PKN2: variants seen among roughly 807,000 people sequenced by gnomAD.
PKN2 encodes the protein serine/threonine-protein kinase N2.
PKN2 carries 38 observed loss-of-function variants against 119.1 expected under a neutral mutation model. The ratio of observed to expected loss-of-function variants is 0.32; its 90% CI spans 0.25 to 0.42. The LOEUF (loss-of-function observed/expected upper bound fraction) is 0.42, where lower values mean the gene tolerates loss of function less well. Ranked by LOEUF, PKN2 falls within the 10% of genes least tolerant of loss-of-function variation. The pLI, the probability that PKN2 is intolerant of heterozygous loss-of-function variation, is 1.00. For synonymous variants in PKN2, 390 were observed against 384.9 expected (o/e 1.01, Z -0.15); for missense variants, 850 against 1,165.1 (o/e 0.73, Z 3.94).
chr1:88,789,924 C>A (rs1214216451), intron 8 of PKN2, among the ~76,000 whole-genome samples: 1 of 151,134 alleles, frequency 6.6e-6, no homozygotes, highest in Non-Finnish European at 1.5e-5. Flanking sequence ...GATTATATTT[C>A]CTTTTTAATA....
At chr1:88,718,812 T>A (rs1667556466) in intron 1 of PKN2, among the ~76,000 whole-genome samples, 2 of 152,228 alleles carry the variant, frequency 1.3e-5, no homozygotes, top group African/African-American at 4.8e-5. Flanking sequence ...CCTTTAGTTT[T>A]TGTATCATTT....
chr1:88,812,118 T>C (rs1671804457), intron 15 of PKN2, among the ~76,000 whole-genome samples: 1 of 152,196 alleles, frequency 6.6e-6, no homozygotes, highest in Non-Finnish European at 1.5e-5. Context: ...GTGGGACAAG[T>C]TGAAGATTCG....
intron 19 of PKN2, chr1:88,829,246 C>G (rs1672635225): frequency 7.2e-6 from 5 of 694,576 alleles, no homozygotes; most frequent in Non-Finnish European, 1.4e-5. Flanking sequence ...TGTTGAGTGG[C>G]CCAGGTCAAT....
At chr1:88,800,664 G>A (rs557976841) in intron 8 of PKN2, among the ~76,000 whole-genome samples, 1 of 152,196 alleles carries the variant, frequency 6.6e-6, no homozygotes, top group African/African-American at 2.4e-5. Flanking sequence ...TGAACACTTC[G>A]AGAACCTCAG....
In PKN2 at chr1:88,748,090, A is replaced by G. The variant is rs149753139; in HGVS notation, c.349+6802A>G. Among the ~76,000 whole-genome samples the G allele has an allele frequency of 3.2e-4, 49 of 152,236 alleles. No individual in the cohort carries two copies. The East Asian group carries it at 7.9e-3, about 25-fold the overall frequency. On this transcript the variant is annotated intron_variant, in intron 2 of 21. Coordinates refer to ENST00000370521, the MANE Select transcript of PKN2 (RefSeq NM_006256.4). ...CCCTAATACTTGAATTCTTTTTATG[A>G]TATATTTTCCAAAAAAGTTAATGTG...
chr1:88,704,669 C>T (rs1035918425), intron 1 of PKN2, among the ~76,000 whole-genome samples: 3 of 150,806 alleles, frequency 2.0e-5, no homozygotes, highest in African/African-American at 7.3e-5. Flanking sequence ...TGGTTCCAGC[C>T]ACTTGGGAAG....
chr1:88,714,737 C>T (rs1008675946), intron 1 of PKN2, among the ~76,000 whole-genome samples: 1 of 152,164 alleles, frequency 6.6e-6, no homozygotes, highest in African/African-American at 2.4e-5. Flanking sequence ...ATTTGACTTC[C>T]TCTTTTCCTA....
chr1:88,832,823 C>G lies in PKN2; in HGVS notation c.2642C>G (p.Ser881Cys). ...NDEVRYPRFL[S>C]TEAISIMRRL... ...GAAGTAAGGTATCCAAGGTTCTTAT[C>G]TACAGAAGCCATTTCTATAATGAGA... Residue 881 changes from serine (S) to cysteine (C), a missense_variant, in exon 20 of 22, where the codon TCT (serine) becomes TGT (cysteine). Ser to Cys is a moderately radical substitution (Grantham distance 112). This residue lies in a region of PKN2 where 95 missense variants were observed against 150.2 expected (regional missense o/e 0.63). Coordinates refer to ENST00000370521, the MANE Select transcript of PKN2 (RefSeq NM_006256.4). The G allele has an allele frequency of 1.3e-6, 2 of 1,584,628 alleles. No individual in the cohort carries two copies. Among genetic ancestry groups the G allele is most frequent in the Non-Finnish European group, 8.6e-7 (1 of 1,157,674 alleles).
intron 2 of PKN2, among the ~76,000 whole-genome samples, chr1:88,752,203 T>G (rs1324756896): frequency 1.3e-5 from 2 of 152,158 alleles, no homozygotes; most frequent in African/African-American, 4.8e-5. Flanking sequence ...ATTTCTTGAA[T>G]AGTTTCTTCA....
intron 16 of PKN2, among the ~76,000 whole-genome samples, chr1:88,817,265 A>C (rs1465178477): frequency 6.6e-6 from 1 of 152,126 alleles, no homozygotes; most frequent in Non-Finnish European, 1.5e-5. Flanking sequence ...CAATAAACGT[A>C]ATCCATCACA....
At chr1:88,735,750 T>C (rs1668323451) in intron 1 of PKN2, among the ~76,000 whole-genome samples, 1 of 152,146 alleles carries the variant, frequency 6.6e-6, no homozygotes, top group South Asian at 2.1e-4. Flanking sequence ...CTTTTGTTGC[T>C]TTCAAAATAT....
At chr1:88,832,687 G>C (rs1232725741) in intron 19 of PKN2, 57 bp from the exon 20 acceptor site, 1 of 908,190 alleles carries the variant, frequency 1.1e-6, no homozygotes, top group Non-Finnish European at 1.7e-6. Context: ...TTGAATGGGT[G>C]ATAAGATTTT....
At chr1:88,812,221 G>A (rs1321867723) in intron 15 of PKN2, among the ~76,000 whole-genome samples, 1 of 151,960 alleles carries the variant, frequency 6.6e-6, no homozygotes, top group African/African-American at 2.4e-5. Flanking sequence ...CCTTTATCTC[G>A]CTGTCCTAAG....
intron 1 of PKN2, among the ~76,000 whole-genome samples, chr1:88,723,403 G>A (rs897869307): frequency 7.1e-6 from 1 of 139,910 alleles, no homozygotes; most frequent in Non-Finnish European, 1.5e-5. Context: ...GTAAGCCACC[G>A]TGCCCTGCCC....
intron 1 of PKN2, among the ~76,000 whole-genome samples, chr1:88,688,389 T>C (rs1477958492): frequency 6.6e-6 from 1 of 152,046 alleles, no homozygotes; most frequent in African/African-American, 2.4e-5. Flanking sequence ...CCGGCGCCAC[T>C]ACACCATTAT....
At chr1:88,811,379 C>T (rs1317505098) in intron 15 of PKN2, among the ~76,000 whole-genome samples, 2 of 152,158 alleles carry the variant, frequency 1.3e-5, no homozygotes, top group Non-Finnish European at 2.9e-5. Context: ...AGGTTTCTAA[C>T]TTATCTGAAA....
chr1:88,738,622 G>T (rs1427473309), intron 1 of PKN2, among the ~76,000 whole-genome samples: 1 of 152,214 alleles, frequency 6.6e-6, no homozygotes, highest in Non-Finnish European at 1.5e-5. Flanking sequence ...TGGCCTATGA[G>T]AAATAAGGAA....
At chr1:88,710,163 A>G (rs1456698544) in intron 1 of PKN2, among the ~76,000 whole-genome samples, 3 of 152,194 alleles carry the variant, frequency 2.0e-5, no homozygotes, top group Non-Finnish European at 2.9e-5. Context: ...TTGGGAAGTC[A>G]TCGGATAATA....
chr1:88,695,057 G>A (rs893326047), intron 1 of PKN2, among the ~76,000 whole-genome samples: 2 of 151,848 alleles, frequency 1.3e-5, no homozygotes, highest in African/African-American at 2.4e-5. Flanking sequence ...AACCCGGGAG[G>A]CAGAGCTTGC....
Sources: allele counts gnomAD v4.1 joint callset (sites outside exome capture counted in the v4.1 genomes callset), GRCh38; gene constraint gnomAD v4.1.1; regional missense constraint gnomAD v4.1.1; transcripts MANE v1.5; gene names NCBI Gene and HGNC (gene_info 2026-07-23, HGNC 2026-07-21).